GSDME: variants seen among roughly 807,000 people sequenced by gnomAD.
GSDME encodes gasdermin E.
A neutral mutation model predicts 47.5 loss-of-function variants in GSDME; 44 were observed. The observed-to-expected ratio is 0.93, with a 90% CI of 0.73 to 1.19. GSDME has a LOEUF of 1.19. Ranked by LOEUF, GSDME falls within the 50% of genes most tolerant of loss-of-function variation. GSDME has a pLI of 0.00. For synonymous variants in GSDME, 258 were observed against 252.8 expected (o/e 1.02, Z -0.20); for missense variants, 663 against 604.2 (o/e 1.10, Z -1.02).
chr7:24,790,077 CTAACTA>C, the GSDME span, among the ~76,000 whole-genome samples: 2 of 152,350 alleles, frequency 1.3e-5, no homozygotes, highest in South Asian at 4.1e-4. The surrounding 1 kb of genome is among the most constrained non-coding windows in gnomAD (Gnocchi z 4.1). Context: ...TGTCATATCT[CTAACTA>C]TGTCTTCAAC....
At chr7:24,773,153 G>T in the GSDME span, among the ~76,000 whole-genome samples, 1 of 152,160 alleles carries the variant, frequency 6.6e-6, no homozygotes, top group African/African-American at 2.4e-5. The surrounding 1 kb of genome is among the most constrained non-coding windows in gnomAD (Gnocchi z 5.4). Context: ...AAACTCGTCA[G>T]TGACAATAAA....
At chr7:24,751,851 T>G (rs1042791693) in intron 1 of GSDME, among the ~76,000 whole-genome samples, 7 of 152,210 alleles carry the variant, frequency 4.6e-5, no homozygotes, top group Admixed American at 2.0e-4. Context: ...AAAAAATAAT[T>G]TCTCTCCTCA....
intron 3 of GSDME, among the ~76,000 whole-genome samples, chr7:24,723,526 A>G (rs541154830): frequency 6.6e-6 from 1 of 152,356 alleles, no homozygotes; most frequent in Non-Finnish European, 1.5e-5. Context: ...ATAAGCATTT[A>G]AAGAGGCCCA....
chr7:24,702,574 T>TGGGTCTCAGTCTTCCCA (rs1043957059), intron 9 of GSDME, 186 bp downstream of exon 9: 1 of 583,058 alleles, frequency 1.7e-6, no homozygotes, highest in African/African-American at 1.9e-5. Flanking sequence ...CATTTTCCTC[T>TGGGTCTCAGTCTTCCCA]GGGTCTCAGT....
chr7:24,777,954 G>A, the GSDME span, among the ~76,000 whole-genome samples: 1 of 149,812 alleles, frequency 6.7e-6, no homozygotes. Context: ...ATTTAAAAAA[G>A]AAAAACAAAT....
upstream of GSDME, among the ~76,000 whole-genome samples, chr7:24,759,805 G>A (rs1791138246): frequency 6.6e-6 from 1 of 152,208 alleles, no homozygotes; most frequent in African/African-American, 2.4e-5. Context: ...GATCTCACCT[G>A]ACCCCAGTCT....
chr7:24,751,503 G>A (rs899574890), intron 1 of GSDME, among the ~76,000 whole-genome samples: 3 of 152,090 alleles, frequency 2.0e-5, no homozygotes, highest in African/African-American at 7.2e-5. Context: ...TTGTCTTATC[G>A]ATCACTGGTT....
chr7:24,785,079 A>C, the GSDME span, among the ~76,000 whole-genome samples: 2 of 152,228 alleles, frequency 1.3e-5, no homozygotes, highest in African/African-American at 4.8e-5. Flanking sequence ...AGTAGGTGTC[A>C]GCAAACTGTA....
rs1481613494 is a variant in GSDME at position 24,708,268 on chromosome 7, G to A, written c.863-14C>T. On this transcript the variant is annotated splice_polypyrimidine_tract_variant and intron_variant, in intron 6 of 9. Transcript: ENST00000645220. ...GGAGCAGGGTCGCTGTGAAAACAAA[G>A]CACACCCAAGTCTCATGACTGCGAT... is the stretch of plus-strand genomic sequence containing the variant. 1.9e-6 allele frequency: 3 copies of A among 1,613,724 alleles called. No homozygotes were observed. Among genetic ancestry groups the A allele is most frequent in the African/African-American group, 1.3e-5 (1 of 74,930 alleles).
rs1166461952 is a variant in GSDME, at chr7:24,742,388, G to C, written c.404+2174C>G. 6.6e-6 allele frequency among the ~76,000 whole-genome samples: 1 copy of C among 152,124 alleles called. No homozygotes were observed. Among genetic ancestry groups the C allele is most frequent in the Non-Finnish European group, 1.5e-5 (1 of 68,030 alleles). ...GTGCCATTAAGTGTAAAAGGAGATG[G>C]CTGTGCAGAGTTAAGGAGAGGCTAC... On this transcript the variant is annotated intron_variant, in intron 3 of 9. Coordinates refer to ENST00000645220, the MANE Select transcript of GSDME (RefSeq NM_001127453.2). This position sits in a 1 kb window ranked among gnomAD's most constrained non-coding sequence, Gnocchi z 4.4.
At chr7:24,718,678 A>G (rs987716901) in intron 4 of GSDME, among the ~76,000 whole-genome samples, 4 of 152,308 alleles carry the variant, frequency 2.6e-5, no homozygotes, top group African/African-American at 9.6e-5. Flanking sequence ...AGGAATGAAC[A>G]TATCCCGGGA....
At chr7:24,774,083 C>T in the GSDME span, among the ~76,000 whole-genome samples, 21 of 152,272 alleles carry the variant, frequency 1.4e-4, no homozygotes, top group South Asian at 1.5e-3. Flanking sequence ...ACAGTCTGAG[C>T]GATGAGGGAC....
chr7:24,712,893 C>T lies in GSDME; in HGVS notation c.698-2505G>A, dbSNP rs1409573903. On this transcript the variant is annotated intron_variant, in intron 5 of 9. Coordinates refer to ENST00000645220, the MANE Select transcript of GSDME (RefSeq NM_001127453.2). The surrounding 1 kb of genome is among the most constrained non-coding windows in gnomAD (Gnocchi z 4.4). Reference sequence around the variant, plus strand: ...ATTAGCCGGGCATAGTGGTGCACACCTGTAATCCCAGTTACTCAGGAGGCT... The same window carrying T: ...ATTAGCCGGGCATAGTGGTGCACACTTGTAATCCCAGTTACTCAGGAGGCT... 6.6e-6 allele frequency among the ~76,000 whole-genome samples: 1 copy of T among 152,032 alleles called. No homozygotes were observed. Among genetic ancestry groups the T allele is most frequent in the Non-Finnish European group, 1.5e-5 (1 of 68,026 alleles).
At chr7:24,752,092 G>A (rs754163052) in intron 1 of GSDME, among the ~76,000 whole-genome samples, 3 of 152,240 alleles carry the variant, frequency 2.0e-5, no homozygotes, top group Admixed American at 2.0e-4. Flanking sequence ...TGTAGCTGAG[G>A]AGCAGCCATT....
the GSDME span, among the ~76,000 whole-genome samples, chr7:24,794,787 C>T: frequency 1.3e-5 from 2 of 152,110 alleles, no homozygotes; most frequent in African/African-American, 2.4e-5. Context: ...GACAAAACAA[C>T]ACTCTTACCA....
intron 1 of GSDME, among the ~76,000 whole-genome samples, chr7:24,753,821 G>A (rs1562718415): frequency 6.6e-6 from 1 of 152,088 alleles, no homozygotes. Flanking sequence ...TTTATTTCCA[G>A]GAATGTTTGA....
chr7:24,766,586 G>A, the GSDME span, among the ~76,000 whole-genome samples: 174 of 152,308 alleles, frequency 1.1e-3, no homozygotes, highest in Middle Eastern at 0.01. This position sits in a 1 kb window ranked among gnomAD's most constrained non-coding sequence, Gnocchi z 4.2. Flanking sequence ...AGTTTGCTGA[G>A]AGTGATGGTT....
the GSDME span, among the ~76,000 whole-genome samples, chr7:24,781,053 T>A: frequency 6.6e-6 from 1 of 152,162 alleles, no homozygotes. Context: ...GGTCTAGTGA[T>A]GGGGAAATTG....
Position 24,702,819 on chromosome 7 carries a change from C to T in GSDME, c.1198G>A (p.Ala400Thr), listed in dbSNP as rs140321823. 224 of 1,612,938 alleles carry T rather than the reference C, an allele frequency of 1.4e-4. No individual in the cohort carries two copies. The highest frequency in any genetic ancestry group is 1.7e-4 in the Non-Finnish European group (196 of 1,179,326). The stretch of plus-strand genomic sequence containing the variant: ...CAGCAAGTGCCCAGCAGAGCTGCTG[C>T]GCTATCTGGCATTTCTGCAGGAGAG... ...VSALAEMPDS[A>T]AALLGTCCKL... is the part of the protein sequence containing the mutation. Residue 400 changes from alanine (A) to threonine (T), a missense_variant, in exon 9 of 10, where the codon GCA (alanine) becomes ACA (threonine). Coordinates refer to ENST00000645220, the MANE Select transcript of GSDME (RefSeq NM_001127453.2).
Sources: gnomAD v4.1 joint callset for allele counts (sites outside exome capture counted in the v4.1 genomes callset) on GRCh38, gnomAD v4.1.1 for gene constraint, Gnocchi (gnomAD v3.1) non-coding constraint, MANE v1.5 for transcripts, NCBI Gene and HGNC (gene_info 2026-07-23, HGNC 2026-07-21) for gene names.